The following MCTP1 variants were observed in gnomAD, a reference collection of about 807,000 sequenced individuals.
The protein encoded by MCTP1 is multiple C2 and transmembrane domain-containing protein 1.
MCTP1 carries 69 observed loss-of-function variants against 120.6 expected under a neutral mutation model. The observed-to-expected ratio is 0.57, with a 90% confidence interval of 0.47 to 0.70. MCTP1 has a LOEUF of 0.70. MCTP1 is among the 30% of genes least tolerant of loss of function. The probability of loss-of-function intolerance (pLI) is 0.00; values close to 1 mark genes in which losing one functional copy is unlikely to be tolerated. For missense variants in MCTP1, 1,203 were observed against 1,248.8 expected, an observed-to-expected ratio of 0.96 and a Z score of 0.55; for synonymous variants, 529 against 493.1, an observed-to-expected ratio of 1.07 and a Z score of -0.96.
chr5:95,211,596 T>C (rs1445185066), intron 1 of MCTP1, among the ~76,000 whole-genome samples: 4 of 152,212 alleles, frequency 2.6e-5, no homozygotes, highest in African/African-American at 9.6e-5. Flanking sequence ...TTCAAAGTTT[T>C]CAACCTCTTT....
intron 1 of MCTP1, among the ~76,000 whole-genome samples, chr5:95,189,571 C>G (rs1749609764): frequency 6.6e-6 from 1 of 152,000 alleles, no homozygotes; most frequent in East Asian, 1.9e-4. Context: ...ATCTTTGATC[C>G]TGGTCAGATG....
chr5:94,988,387 T>C lies in MCTP1; in HGVS notation c.838+28980A>G, dbSNP rs192073178. Among the ~76,000 whole-genome samples the C allele has an allele frequency of 2.6e-5, 4 of 152,298 alleles. No individual in the cohort carries two copies. The East Asian group carries it at 7.7e-4, about 29-fold the overall frequency. On this transcript the variant is annotated intron_variant, in intron 2 of 22. Transcript: ENST00000515393. ...TTTTCTGAGTCATTTCAATCTTCCC[T>C]AATATCTCCATTTCCATTTAGAAAT...
intron 17 of MCTP1, among the ~76,000 whole-genome samples, chr5:94,848,523 T>C (rs531857986): frequency 1.4e-3 from 206 of 152,274 alleles, no homozygotes; most frequent in African/African-American, 4.7e-3. Context: ...CAATAAGCTC[T>C]TCTTGTTCCT....
intron 17 of MCTP1, among the ~76,000 whole-genome samples, chr5:94,824,350 T>C (rs2153115018): frequency 1.3e-5 from 2 of 152,388 alleles, no homozygotes; most frequent in South Asian, 4.1e-4. Context: ...TTACGTTTAT[T>C]GATCTGCATA....
chr5:94,716,695 C>T (rs945072428), intron 19 of MCTP1, among the ~76,000 whole-genome samples: 6 of 150,944 alleles, frequency 4.0e-5, no homozygotes, highest in Middle Eastern at 3.4e-3. Context: ...TTCACAGTAA[C>T]AAAATATATG....
intron 2 of MCTP1, among the ~76,000 whole-genome samples, chr5:94,987,437 T>C (rs924959088): frequency 2.6e-5 from 4 of 152,228 alleles, no homozygotes; most frequent in African/African-American, 9.6e-5. Context: ...ATTTTTACTT[T>C]TTATGCCTTT....
At chr5:94,867,453 G>A (rs1797041704) in intron 17 of MCTP1, 2 of 902,204 alleles carry the variant, frequency 2.2e-6, no homozygotes, top group Non-Finnish European at 3.5e-6. Flanking sequence ...ATACTAAAAT[G>A]TTGATTTGTT....
chr5:94,875,980 C>T (rs999757554), intron 12 of MCTP1, among the ~76,000 whole-genome samples: 8 of 152,058 alleles, frequency 5.3e-5, no homozygotes, highest in African/African-American at 1.9e-4. Context: ...AGGAAGTATC[C>T]TCCTGTCACT....
In MCTP1 at chr5:95,188,678, T is replaced by TAATA. The variant is rs1749499436; in HGVS notation, c.720+95177_720+95178insTATT. On this transcript the variant is annotated intron_variant, in intron 1 of 22. Coordinates refer to ENST00000515393, the MANE Select transcript of MCTP1 (RefSeq NM_024717.7). The stretch of plus-strand genomic sequence containing the variant: ...AGAATATATTACTCATTTCCAGGGG[T>TAATA]TGGGGATGGAGGAGATGTATGTGGT... Among the ~76,000 whole-genome samples, 5 of 152,064 alleles carry TAATA rather than the reference T, an allele frequency of 3.3e-5. No individual in the cohort carries two copies. In the South Asian group the frequency reaches 1.0e-3, roughly 32 times the overall value.
intron 19 of MCTP1, among the ~76,000 whole-genome samples, chr5:94,716,279 A>G (rs1473560849): frequency 6.6e-6 from 1 of 152,220 alleles, no homozygotes; most frequent in Non-Finnish European, 1.5e-5. Context: ...AAAGCTTAAT[A>G]ACAGTATTGG....
chr5:95,264,831 G>A (rs1010981489), intron 1 of MCTP1, among the ~76,000 whole-genome samples: 40 of 152,172 alleles, frequency 2.6e-4, no homozygotes, highest in Non-Finnish European at 5.7e-4. Flanking sequence ...TAGAGAGTCT[G>A]CCTGAGAGAG....
intron 17 of MCTP1, among the ~76,000 whole-genome samples, chr5:94,827,181 C>T (rs928638315): frequency 1.3e-5 from 2 of 152,144 alleles, no homozygotes; most frequent in Non-Finnish European, 2.9e-5. Flanking sequence ...CAAAATCCCT[C>T]AGCATTTGCT....
At chr5:95,033,511 GT>G (rs1387518169) in intron 1 of MCTP1, among the ~76,000 whole-genome samples, 3 of 151,886 alleles carry the variant, frequency 2.0e-5, no homozygotes, top group African/African-American at 7.2e-5. Context: ...GAAAAAGCAC[GT>G]CATAAAATCC....
At chr5:94,947,577 T>TATATATATATATATATATATATAGAG in intron 3 of MCTP1, among the ~76,000 whole-genome samples, 9 of 47,382 alleles carry the variant, frequency 1.9e-4, no homozygotes, top group East Asian at 4.4e-4. Flanking sequence ...TATATATATA[T>TATATATATATATATATATATATAGAG]AGAGAGAGAG....
chr5:94,706,542 G>GAATT lies in MCTP1; in HGVS notation c.*950_*953dup. 6.7e-6 allele frequency: 1 copy of GAATT among 148,398 alleles called. No homozygotes were observed. Among genetic ancestry groups the GAATT allele is most frequent in the East Asian group, 2.0e-4 (1 of 5,032 alleles). 9.2% of individuals were successfully genotyped at this position (148,398 alleles called of 1,614,324 possible). On this transcript the variant is annotated 3_prime_UTR_variant, in exon 23 of 23. Transcript: ENST00000515393. Reference sequence around the variant, plus strand: ...CACACTAATAACAAAATCATAGTATGAATTAAAGCATTTCAGTAATCTAAT... The same window carrying GAATT: ...CACACTAATAACAAAATCATAGTATGAATTAATTAAAGCATTTCAGTAATCTAAT...
chr5:94,883,603 G>A (rs1356242995), intron 12 of MCTP1, among the ~76,000 whole-genome samples: 3 of 152,242 alleles, frequency 2.0e-5, no homozygotes, highest in Admixed American at 6.5e-5. Context: ...ATGAAATTAC[G>A]TAGAACTTAA....
chr5:94,979,793 A>G (rs1829000748), intron 2 of MCTP1, among the ~76,000 whole-genome samples: 1 of 152,128 alleles, frequency 6.6e-6, no homozygotes, highest in Admixed American at 6.6e-5. Flanking sequence ...ACACGGACAC[A>G]TATTAAACCA....
intron 1 of MCTP1, among the ~76,000 whole-genome samples, chr5:95,023,123 T>C (rs1357878715): frequency 6.6e-6 from 1 of 151,038 alleles, no homozygotes; most frequent in Non-Finnish European, 1.5e-5. Context: ...GCTAAGGAGG[T>C]TTCACTCTGT....
chr5:95,202,827 A>C (rs1293859889), intron 1 of MCTP1, among the ~76,000 whole-genome samples: 1 of 152,116 alleles, frequency 6.6e-6, no homozygotes, highest in Non-Finnish European at 1.5e-5. Context: ...TCCTGGGCTC[A>C]AGAGATTCTC....
Sources: gnomAD v4.1 joint callset for allele counts (sites outside exome capture counted in the v4.1 genomes callset) on GRCh38, gnomAD v4.1.1 for gene constraint, MANE v1.5 for transcripts, NCBI Gene and HGNC (gene_info 2026-07-23, HGNC 2026-07-21) for gene names.